ADCK1: variants seen among roughly 807,000 people sequenced by gnomAD.
ADCK1 encodes the protein aarF domain-containing protein kinase 1.
In ADCK1, 41 loss-of-function variants were observed where a neutral mutation model predicts 52.3. That is an observed-to-expected ratio of 0.78 (90% confidence interval 0.61 to 1.02). The LOEUF (loss-of-function observed/expected upper bound fraction) is 1.02, where lower values mean the gene tolerates loss of function less well. ADCK1 is among the 50% of genes least tolerant of loss of function. The probability of loss-of-function intolerance (pLI) is 0.00; values close to 1 mark genes in which losing one functional copy is unlikely to be tolerated. For missense variants in ADCK1, 658 were observed against 679.5 expected (o/e 0.97, Z 0.35); for synonymous variants, 250 against 274.6 (o/e 0.91, Z 0.89).
intron 3 of ADCK1, among the ~76,000 whole-genome samples, chr14:77,829,235 A>G (rs2364842): frequency 0.39 from 57,867 of 150,284 alleles, 13,578 homozygotes; most frequent in Admixed American, 0.51. Context: ...GTGAGGATAT[A>G]TATGTGTGTA....
At chr14:77,821,488 G>A (rs139509204) in intron 2 of ADCK1, among the ~76,000 whole-genome samples, 213 of 152,202 alleles carry the variant, frequency 1.4e-3, no homozygotes, top group African/African-American at 4.7e-3. Context: ...ATAAAGGAAG[G>A]TTTGGGGTAG....
chr14:77,837,888 C>T (rs1314730472), intron 3 of ADCK1, among the ~76,000 whole-genome samples: 1 of 152,208 alleles, frequency 6.6e-6, no homozygotes, highest in Non-Finnish European at 1.5e-5. Context: ...AGGACAGACT[C>T]ATACTGGCTT....
intron 3 of ADCK1, among the ~76,000 whole-genome samples, chr14:77,857,173 C>T (rs1261669777): frequency 2.0e-5 from 3 of 150,864 alleles, no homozygotes; most frequent in Non-Finnish European, 4.4e-5. Flanking sequence ...GCGATCTGGG[C>T]GTGGTGGCTC....
intron 4 of ADCK1, among the ~76,000 whole-genome samples, chr14:77,883,126 C>T (rs1040471911): frequency 1.3e-5 from 2 of 152,016 alleles, no homozygotes; most frequent in African/African-American, 2.4e-5. Context: ...GAATCACGGG[C>T]CGACAGTAAT....
At chr14:77,845,547 T>A (rs2082157259) in intron 3 of ADCK1, among the ~76,000 whole-genome samples, 1 of 152,154 alleles carries the variant, frequency 6.6e-6, no homozygotes. Context: ...CCCAGCCTCC[T>A]GAGTAGCTGG....
At chr14:77,896,728 T>C (rs935765502) in intron 5 of ADCK1, among the ~76,000 whole-genome samples, 4 of 152,212 alleles carry the variant, frequency 2.6e-5, no homozygotes, top group Admixed American at 6.5e-5. Context: ...TTGCCCCCTC[T>C]CCCTTCTAGT....
rs775354054 is a variant in ADCK1 at position 77,887,242 on chromosome 14, T to G, written c.575T>G (p.Leu192Arg). Reference sequence around the variant, plus strand: ...GCTCAGAGCTCGAAGGACATTCTCCTGATGGAGGTGAGAGCCCTCCCTTTC... The same window carrying G: ...GCTCAGAGCTCGAAGGACATTCTCCGGATGGAGGTGAGAGCCCTCCCTTTC... Reference protein sequence around the residue: ...VRAQSSKDILLMEVLVLAVKQ... With the variant: ...VRAQSSKDILRMEVLVLAVKQ... Residue 192 changes from leucine to arginine, a missense_variant, in exon 5 of 11, where the codon CTG becomes CGG. Physicochemically the swap from Leu to Arg is moderately radical, Grantham distance 102 (BLOSUM62 -2). Coordinates refer to ENST00000238561, the MANE Select transcript of ADCK1 (RefSeq NM_020421.4). 7 of 1,575,100 alleles carry G rather than the reference T, an allele frequency of 4.4e-6. No individual in the cohort carries two copies. The highest frequency in any genetic ancestry group is 6.0e-6 in the Non-Finnish European group (7 of 1,161,226).
At chr14:77,889,437 A>G (rs1041009019) in intron 5 of ADCK1, among the ~76,000 whole-genome samples, 5 of 152,236 alleles carry the variant, frequency 3.3e-5, no homozygotes, top group African/African-American at 1.2e-4. Flanking sequence ...AAGCTAAACT[A>G]TAGAGAAGGG....
chr14:77,803,350 T>C (rs1341362376), intron 1 of ADCK1, among the ~76,000 whole-genome samples: 1 of 152,164 alleles, frequency 6.6e-6, no homozygotes, highest in East Asian at 1.9e-4. Flanking sequence ...GGAAAGGTGA[T>C]TCCAGGCCTT....
intron 7 of ADCK1, among the ~76,000 whole-genome samples, chr14:77,922,398 A>G (rs957626604): frequency 4.6e-5 from 7 of 152,200 alleles, no homozygotes; most frequent in African/African-American, 9.6e-5. Flanking sequence ...GGTAGCGGGC[A>G]TAGTGTCTTA....
intron 1 of ADCK1, among the ~76,000 whole-genome samples, chr14:77,818,033 G>C (rs552500509): frequency 2.6e-5 from 4 of 151,860 alleles, no homozygotes; most frequent in African/African-American, 9.7e-5. Context: ...CCACCACGCT[G>C]GGCCTCAAGG....
chr14:77,800,414 A>G (rs959008856), intron 1 of ADCK1, among the ~76,000 whole-genome samples: 1 of 152,196 alleles, frequency 6.6e-6, no homozygotes, highest in Non-Finnish European at 1.5e-5. Flanking sequence ...TGACTTCTCC[A>G]GTTTGGCACA....
chr14:77,822,622 TTA>T, intron 3 of ADCK1, 104 bp downstream of exon 3: 1 of 1,012,270 alleles, frequency 9.9e-7, no homozygotes, highest in Non-Finnish European at 1.5e-6. Flanking sequence ...AGTGCTGGGA[TTA>T]AAGGCATGAG....
chr14:77,886,301 C>T (rs2083145125), intron 4 of ADCK1, among the ~76,000 whole-genome samples: 1 of 152,136 alleles, frequency 6.6e-6, no homozygotes, highest in African/African-American at 2.4e-5. Context: ...CTGTCTGATC[C>T]CTGAGATACT....
intron 7 of ADCK1, among the ~76,000 whole-genome samples, chr14:77,914,792 T>C (rs1595080470): frequency 6.6e-6 from 1 of 152,198 alleles, no homozygotes; most frequent in Non-Finnish European, 1.5e-5. Context: ...TTATAATTCA[T>C]GCGTTCATGG....
At chr14:77,817,382 C>T (rs1384892739) in intron 1 of ADCK1, among the ~76,000 whole-genome samples, 1 of 152,202 alleles carries the variant, frequency 6.6e-6, no homozygotes, top group Non-Finnish European at 1.5e-5. Flanking sequence ...AAGGCTGGTG[C>T]CTGCAAGTGG....
At position 77,800,174 on chromosome 14, in the gene ADCK1, A is replaced by C. The variant is rs1274570126; in HGVS notation, c.-12+4A>C. On this transcript the variant is annotated splice_donor_region_variant and intron_variant, in intron 1 of 10. Transcript: ENST00000238561. ...CCGCGGCTCTGCTTCCCTCGGGGTG[A>C]GTAGGGGCAGCTCGCCGGAGGCCGG... 1 of 152,320 alleles carries C rather than the reference A, an allele frequency of 6.6e-6. No individual in the cohort carries two copies. Among genetic ancestry groups the C allele is most frequent in the Admixed American group, 6.5e-5 (1 of 15,288 alleles). 9.4% of individuals were successfully genotyped at this position (152,320 alleles called of 1,614,324 possible).
At chr14:77,907,675 C>A in intron 6 of ADCK1, 128 bp from the exon 7 acceptor site, 1 of 639,970 alleles carries the variant, frequency 1.6e-6, no homozygotes, top group Non-Finnish European at 2.6e-6. Flanking sequence ...CGCTGAGGTC[C>A]CTCCTGGGCC....
chr14:77,874,249 T>G (rs2140173593), intron 4 of ADCK1, among the ~76,000 whole-genome samples: 1 of 152,322 alleles, frequency 6.6e-6, no homozygotes, highest in East Asian at 1.9e-4. Context: ...CATTTTATGG[T>G]ACAGAAAGAG....
Sources: gnomAD v4.1 joint callset for allele counts (sites outside exome capture counted in the v4.1 genomes callset) on GRCh38, gnomAD v4.1.1 for gene constraint, MANE v1.5 for transcripts, NCBI Gene and HGNC (gene_info 2026-07-23, HGNC 2026-07-21) for gene names.